The following LOC128125818 variants were observed in gnomAD, a reference collection of about 807,000 sequenced individuals.
the LOC128125818 span, among the ~76,000 whole-genome samples, chr4:6,067,218 CT>C: frequency 3.9e-5 from 6 of 152,178 alleles, no homozygotes; most frequent in African/African-American, 1.4e-4. This position sits in a 1 kb window ranked among gnomAD's most constrained non-coding sequence, Gnocchi z 4.6. Flanking sequence ...CCCTTTTGTT[CT>C]CGACTGTATC....
the LOC128125818 span, among the ~76,000 whole-genome samples, chr4:6,068,006 T>G: frequency 6.6e-6 from 1 of 152,168 alleles, no homozygotes; most frequent in Non-Finnish European, 1.5e-5. Context: ...TCCAAACATT[T>G]AGAACACACT....
At chr4:6,068,524 G>A in the LOC128125818 span, among the ~76,000 whole-genome samples, 4 of 149,188 alleles carry the variant, frequency 2.7e-5, no homozygotes, top group African/African-American at 7.4e-5. Flanking sequence ...AACCCCTCAG[G>A]TTTTTATGCT....
At chr4:6,069,094 G>C in the LOC128125818 span, among the ~76,000 whole-genome samples, 1 of 152,092 alleles carries the variant, frequency 6.6e-6, no homozygotes, top group African/African-American at 2.4e-5. This position sits in a 1 kb window ranked among gnomAD's most constrained non-coding sequence, Gnocchi z 4.5. Flanking sequence ...TTCCTTGAAG[G>C]CAATGCAACT....
chr4:6,066,497 C>T, the LOC128125818 span, among the ~76,000 whole-genome samples: 2 of 152,140 alleles, frequency 1.3e-5, no homozygotes, highest in Non-Finnish European at 2.9e-5. Flanking sequence ...GAACTCCAGA[C>T]TCATACGTCA....
At chr4:6,068,550 T>C in the LOC128125818 span, among the ~76,000 whole-genome samples, 4 of 113,102 alleles carry the variant, frequency 3.5e-5, no homozygotes, top group African/African-American at 1.3e-4. Flanking sequence ...TTTTTAAAAA[T>C]TTTTTAACTT....
At chr4:6,068,517 C>T in the LOC128125818 span, among the ~76,000 whole-genome samples, 1 of 152,014 alleles carries the variant, frequency 6.6e-6, no homozygotes. Context: ...GGGACCCAAC[C>T]CCTCAGGTTT....
the LOC128125818 span, among the ~76,000 whole-genome samples, chr4:6,067,581 A>T: frequency 6.6e-6 from 1 of 151,802 alleles, no homozygotes; most frequent in East Asian, 1.9e-4. This position sits in a 1 kb window ranked among gnomAD's most constrained non-coding sequence, Gnocchi z 4.6. Context: ...CATCTGCAGC[A>T]CTCAAGCTCT....
At chr4:6,066,158 C>A in the LOC128125818 span, among the ~76,000 whole-genome samples, 37 of 152,258 alleles carry the variant, frequency 2.4e-4, no homozygotes, top group East Asian at 2.7e-3. Flanking sequence ...CTCCCCCAAC[C>A]CACAGAGAAA....
At chr4:6,069,491 G>T in the LOC128125818 span, among the ~76,000 whole-genome samples, 3 of 152,222 alleles carry the variant, frequency 2.0e-5, no homozygotes, top group Non-Finnish European at 2.9e-5. This position sits in a 1 kb window ranked among gnomAD's most constrained non-coding sequence, Gnocchi z 4.5. Context: ...GCTCATGCCT[G>T]TAATCCCAGC....
chr4:6,065,027 A>G, the LOC128125818 span: 3 of 1,614,042 alleles, frequency 1.9e-6, no homozygotes, highest in East Asian at 2.2e-5. The surrounding 1 kb of genome is among the most constrained non-coding windows in gnomAD (Gnocchi z 5.1). Context: ...CGCAATTTGT[A>G]TGATGTTAGC....
At chr4:6,066,773 A>T in the LOC128125818 span, among the ~76,000 whole-genome samples, 1 of 151,354 alleles carries the variant, frequency 6.6e-6, no homozygotes, top group Non-Finnish European at 1.5e-5. Context: ...AGCCACCAAT[A>T]TCTCTCTCTC....
the LOC128125818 span, among the ~76,000 whole-genome samples, chr4:6,065,587 A>G: frequency 1.3e-5 from 2 of 152,248 alleles, no homozygotes; most frequent in Non-Finnish European, 2.9e-5. This position sits in a 1 kb window ranked among gnomAD's most constrained non-coding sequence, Gnocchi z 5.1. Flanking sequence ...AGTCCTGGCC[A>G]GACCCACACT....
the LOC128125818 span, among the ~76,000 whole-genome samples, chr4:6,069,595 T>C: frequency 1.2e-4 from 18 of 152,020 alleles, no homozygotes; most frequent in South Asian, 3.5e-3. This position sits in a 1 kb window ranked among gnomAD's most constrained non-coding sequence, Gnocchi z 4.5. Flanking sequence ...CAAAAAGTTA[T>C]TTAAAAAGTT....
At chr4:6,067,620 T>C in the LOC128125818 span, among the ~76,000 whole-genome samples, 2 of 148,420 alleles carry the variant, frequency 1.3e-5, no homozygotes, top group African/African-American at 4.9e-5. The surrounding 1 kb of genome is among the most constrained non-coding windows in gnomAD (Gnocchi z 4.6). Context: ...CCCCCTGAGC[T>C]CCAGGTTCAC....
chr4:6,069,660 G>A, the LOC128125818 span, among the ~76,000 whole-genome samples: 53 of 151,704 alleles, frequency 3.5e-4, no homozygotes, highest in Non-Finnish European at 6.9e-4. The surrounding 1 kb of genome is among the most constrained non-coding windows in gnomAD (Gnocchi z 4.5). Flanking sequence ...GGCTGAGGTG[G>A]AAAGATTACT....
the LOC128125818 span, among the ~76,000 whole-genome samples, chr4:6,067,807 C>A: frequency 1.4e-5 from 2 of 145,660 alleles, no homozygotes; most frequent in Non-Finnish European, 1.5e-5. This position sits in a 1 kb window ranked among gnomAD's most constrained non-coding sequence, Gnocchi z 4.6. Context: ...CGCAGGTCAC[C>A]CCCCTGAGCT....
the LOC128125818 span, among the ~76,000 whole-genome samples, chr4:6,068,308 G>GC: frequency 4.6e-5 from 7 of 152,162 alleles, no homozygotes; most frequent in African/African-American, 1.7e-4. Flanking sequence ...ACCCAGTGGA[G>GC]CCCCCGACAG....
chr4:6,067,861 G>A, the LOC128125818 span, among the ~76,000 whole-genome samples: 13 of 152,038 alleles, frequency 8.6e-5, no homozygotes, highest in Non-Finnish European at 1.9e-4. This position sits in a 1 kb window ranked among gnomAD's most constrained non-coding sequence, Gnocchi z 4.6. Context: ...TCACCCCCCT[G>A]AGCTCCACGT....
the LOC128125818 span, among the ~76,000 whole-genome samples, chr4:6,069,014 T>C: frequency 6.6e-6 from 1 of 152,228 alleles, no homozygotes; most frequent in African/African-American, 2.4e-5. This position sits in a 1 kb window ranked among gnomAD's most constrained non-coding sequence, Gnocchi z 4.5. Context: ...TTTCTCAATA[T>C]ATTTGTGTCT....
Sources: gnomAD v4.1 joint callset for allele counts (sites outside exome capture counted in the v4.1 genomes callset) on GRCh38, gnomAD v4.1.1 for gene constraint, Gnocchi (gnomAD v3.1) non-coding constraint, MANE v1.5 for transcripts.